CC2D2B: variants seen among roughly 807,000 people sequenced by gnomAD.
The protein encoded by CC2D2B is coiled-coil and C2 domain containing 2B.
Under a neutral mutation model 161.2 loss-of-function variants are expected in CC2D2B, and 128 were observed. The ratio of observed to expected loss-of-function variants is 0.79; its 90% CI spans 0.69 to 0.92. The LOEUF is 0.92. Ranked by LOEUF, CC2D2B falls within the 40% of genes least tolerant of loss-of-function variation. The pLI, the probability that CC2D2B is intolerant of heterozygous loss-of-function variation, is 0.00. For missense variants in CC2D2B, 1,173 were observed against 1,375.1 expected, an observed-to-expected ratio of 0.85 and a Z score of 2.32; for synonymous variants, 391 against 449.8, an observed-to-expected ratio of 0.87 and a Z score of 1.65.
intron 4 of CC2D2B, 115 bp from the exon 5 acceptor site, chr10:95,924,664 C>A: frequency 1.4e-6 from 1 of 706,796 alleles, no homozygotes; most frequent in Non-Finnish European, 2.4e-6. Flanking sequence ...GTACACATAC[C>A]ACACTTTTTA....
intron 9 of CC2D2B, among the ~76,000 whole-genome samples, chr10:95,944,340 A>G (rs1413145725): frequency 1.3e-5 from 2 of 152,222 alleles, no homozygotes; most frequent in Non-Finnish European, 2.9e-5. Context: ...ACCAAACATT[A>G]CAATATCTTC....
intron 31 of CC2D2B, 55 bp downstream of exon 31, chr10:96,019,392 T>C: frequency 6.7e-7 from 1 of 1,493,324 alleles, no homozygotes; most frequent in African/African-American, 1.4e-5. Context: ...TCACCCTGGC[T>C]ACACACTAGA....
chr10:95,943,278 G>A (rs1386668489), intron 9 of CC2D2B, among the ~76,000 whole-genome samples: 1 of 152,152 alleles, frequency 6.6e-6, no homozygotes, highest in Non-Finnish European at 1.5e-5. Context: ...TCTATCAGAT[G>A]TTCCATTGCT....
Position 96,009,930 on chromosome 10 carries a change from GA to G in CC2D2B, c.3045+11del, listed in dbSNP as rs748857699. 135 of 1,560,878 alleles carry G rather than the reference GA, an allele frequency of 8.6e-5. 1 individual carries two copies. In the African/African-American group the frequency reaches 1.7e-3, roughly 20 times the overall value. On this transcript the variant is annotated splice_region_variant and intron_variant, in intron 26 of 34. Transcript: ENST00000646931. ...TCTTCTGCAACAATCTGAGGTAAGAGAAAATGCTTCTTTGCTCATTCTAAGT... is the reference window on the plus strand; with the variant it reads ...TCTTCTGCAACAATCTGAGGTAAGAGAAATGCTTCTTTGCTCATTCTAAGT...
At chr10:96,013,934 A>G in intron 29 of CC2D2B, 57 bp downstream of exon 29, 1 of 833,456 alleles carries the variant, frequency 1.2e-6, no homozygotes, top group Non-Finnish European at 1.7e-6. Flanking sequence ...TTTTAAGGAA[A>G]CCTTTTAAAA....
chr10:95,946,652 A>G (rs1037764161), intron 9 of CC2D2B, among the ~76,000 whole-genome samples: 214 of 151,956 alleles, frequency 1.4e-3, no homozygotes, highest in African/African-American at 4.7e-3. Context: ...ACAAAGACTT[A>G]CCAGCCATAA....
At chr10:95,993,936 GTGTGTGTATGTATGTGTATATA>G (rs2078097367) in intron 22 of CC2D2B, among the ~76,000 whole-genome samples, 1 of 19,534 alleles carries the variant, frequency 5.1e-5, no homozygotes, top group African/African-American at 3.5e-4. Flanking sequence ...GTGTGTGTGT[GTGTGTGTATGTATGTGTATATA>G]TATATATATA....
chr10:95,954,961 C>T (rs1422117567), intron 10 of CC2D2B, among the ~76,000 whole-genome samples: 1 of 152,026 alleles, frequency 6.6e-6, no homozygotes, highest in Non-Finnish European at 1.5e-5. Flanking sequence ...TGTTTTCCTA[C>T]ATTATGCACT....
intron 3 of CC2D2B, among the ~76,000 whole-genome samples, chr10:95,922,376 A>G (rs2098529112): frequency 6.6e-6 from 1 of 152,234 alleles, no homozygotes; most frequent in Admixed American, 6.5e-5. Flanking sequence ...GCAAACTTCA[A>G]ATCTCAGGGA....
chr10:95,941,552 A>G (rs910251487), intron 9 of CC2D2B, among the ~76,000 whole-genome samples: 1 of 152,184 alleles, frequency 6.6e-6, no homozygotes, highest in Non-Finnish European at 1.5e-5. Context: ...AAAACCAAAG[A>G]TGCATACAAA....
At chr10:96,030,737 G>A (rs2080032011) in intron 34 of CC2D2B, among the ~76,000 whole-genome samples, 2 of 152,090 alleles carry the variant, frequency 1.3e-5, no homozygotes, top group Non-Finnish European at 2.9e-5. Context: ...AAGAAGTAAG[G>A]TAGGTTTTGC....
At chr10:95,938,379 A>G in intron 7 of CC2D2B, 190 bp downstream of exon 7, 1 of 611,470 alleles carries the variant, frequency 1.6e-6, no homozygotes, top group Admixed American at 3.1e-5. Flanking sequence ...TAAAAAATGT[A>G]CATATATAGG....
rs184992223 is a variant in CC2D2B at position 95,933,010 on chromosome 10, G to C, written c.337-4981G>C. On this transcript the variant is annotated intron_variant, in intron 6 of 34. Transcript: ENST00000646931. ...AGTTCCATTCTCCTCGTCACTTTCA[G>C]GTACACCAATCAAATGTAGGTTTGG... is the stretch of plus-strand genomic sequence containing the variant. Among the ~76,000 whole-genome samples, 263 of 152,212 alleles carry C rather than the reference G, an allele frequency of 1.7e-3. 3 individuals carry two copies. Among genetic ancestry groups the C allele is most frequent in the Non-Finnish European group, 1.4e-3 (97 of 68,020 alleles).
intron 3 of CC2D2B, among the ~76,000 whole-genome samples, chr10:95,923,474 A>G (rs547349031): frequency 3.9e-5 from 6 of 152,236 alleles, no homozygotes; most frequent in Non-Finnish European, 8.8e-5. Flanking sequence ...TAAAATGGGT[A>G]TCCAGAGACT....
In CC2D2B at chr10:96,015,771, A is replaced by G. The variant is rs6584047; in HGVS notation, c.3517-430A>G. On this transcript the variant is annotated intron_variant, in intron 29 of 34. Coordinates refer to ENST00000646931, the MANE Select transcript of CC2D2B (RefSeq NM_001349008.3). ...TTCCTTTCTTTGAGTTGACAGTACT[A>G]TATTGGTACAGGACAGAATGTAGCT... 5.6e-3 allele frequency among the ~76,000 whole-genome samples: 851 copies of G among 152,282 alleles called. 9 individuals carry two copies. Among genetic ancestry groups the G allele is most frequent in the African/African-American group, 0.019 (800 of 41,558 alleles).
At chr10:96,024,365 G>C (rs1007200422) in intron 32 of CC2D2B, among the ~76,000 whole-genome samples, 3 of 152,214 alleles carry the variant, frequency 2.0e-5, no homozygotes, top group African/African-American at 7.2e-5. Context: ...AACCATGTTA[G>C]AATAATAATA....
chr10:95,932,789 C>A (rs1260959269), intron 6 of CC2D2B, among the ~76,000 whole-genome samples: 2 of 152,142 alleles, frequency 1.3e-5, no homozygotes, highest in Non-Finnish European at 2.9e-5. Context: ...GTAACTTGAC[C>A]TTTCTCTCTG....
intron 4 of CC2D2B, 59 bp downstream of exon 4, chr10:95,924,449 C>T: frequency 2.1e-6 from 2 of 940,760 alleles, no homozygotes; most frequent in Non-Finnish European, 3.2e-6. Context: ...ACATTTAACA[C>T]AATCAAGTTT....
chr10:96,021,379 A>G (rs775182879), intron 32 of CC2D2B: 13 of 152,264 alleles, frequency 8.5e-5, no homozygotes, highest in Non-Finnish European at 1.9e-4. Context: ...TACTTATACA[A>G]TGAAATCTTC....
Sources: allele counts gnomAD v4.1 joint callset (sites outside exome capture counted in the v4.1 genomes callset), GRCh38; gene constraint gnomAD v4.1.1; transcripts MANE v1.5; gene names NCBI Gene and HGNC (gene_info 2026-07-23, HGNC 2026-07-21).